The following MYO1E variants were observed in gnomAD, a reference collection of about 807,000 sequenced individuals.
The protein encoded by MYO1E is unconventional myosin-Ie.
A neutral mutation model predicts 151.1 loss-of-function variants in MYO1E; 68 were observed. The observed-to-expected ratio is 0.45, with a 90% CI of 0.37 to 0.55. The LOEUF (loss-of-function observed/expected upper bound fraction) is 0.55. Ranked by LOEUF, MYO1E falls within the 20% of genes least tolerant of loss-of-function variation. The pLI, the probability that MYO1E is intolerant of heterozygous loss-of-function variation, is 0.00. For missense variants in MYO1E, 1,363 were observed against 1,389.3 expected (o/e 0.98, Z 0.30); for synonymous variants, 601 against 501.7 (o/e 1.20, Z -2.64).
At chr15:59,267,793 G>T (rs1162380250) in intron 2 of MYO1E, among the ~76,000 whole-genome samples, 2 of 152,216 alleles carry the variant, frequency 1.3e-5, no homozygotes, top group Non-Finnish European at 2.9e-5. Flanking sequence ...TTTCCTCATA[G>T]ATCTTACAAT....
chr15:59,299,817 C>T (rs572090018), intron 1 of MYO1E, among the ~76,000 whole-genome samples: 14 of 152,202 alleles, frequency 9.2e-5, no homozygotes, highest in Admixed American at 2.0e-4. Context: ...CAAATTCTGA[C>T]GATAATTAGC....
chr15:59,142,858 T>C (rs2079418684), intron 26 of MYO1E, among the ~76,000 whole-genome samples: 1 of 143,932 alleles, frequency 6.9e-6, no homozygotes, highest in African/African-American at 2.6e-5. Context: ...AAAACAGGGA[T>C]GTCAGCACTC....
intron 1 of MYO1E, chr15:59,341,231 TTTAG>T (rs1245437571): frequency 6.6e-6 from 1 of 152,168 alleles, no homozygotes; most frequent in Non-Finnish European, 1.5e-5. Context: ...GTAATACTCT[TTTAG>T]TTATTTTTAA....
intron 14 of MYO1E, 51 bp from the exon 15 acceptor site, chr15:59,205,536 T>C (rs1008621784): frequency 1.4e-6 from 2 of 1,460,178 alleles, no homozygotes; most frequent in Admixed American, 1.7e-5. Context: ...ATGTAATTAA[T>C]TGAACAAAAT....
At chr15:59,201,815 A>C (rs2079803837) in intron 16 of MYO1E, among the ~76,000 whole-genome samples, 1 of 152,330 alleles carries the variant, frequency 6.6e-6, no homozygotes, top group South Asian at 2.1e-4. Flanking sequence ...TTTCCTTCAG[A>C]CTTTGAGACA....
Position 59,133,207 on chromosome 15 carries a change from C to G in MYO1E, c.*4173G>C, listed in dbSNP as rs2079354495. On this transcript the variant is annotated 3_prime_UTR_variant, in exon 28 of 28. Coordinates refer to ENST00000288235, the MANE Select transcript of MYO1E (RefSeq NM_004998.4). ...ACCAGCTGGGCAACACAGGGAGACC[C>G]CATCTGTACAAATAATTAGCCGAAT... The G allele has an allele frequency of 6.6e-6, 1 of 152,128 alleles. No individual in the cohort carries two copies. 9.4% of individuals were successfully genotyped at this position (152,128 alleles called of 1,614,324 possible). A position where few individuals can be genotyped will look rare whatever the true frequency, so the allele number is the denominator to read the frequency against.
chr15:59,224,943 C>G (rs2079980288), intron 7 of MYO1E, 120 bp from the exon 8 acceptor site: 2 of 1,343,144 alleles, frequency 1.5e-6, no homozygotes, highest in South Asian at 2.4e-5. Flanking sequence ...AAATTACAGG[C>G]AGTCCTGGCC....
intron 1 of MYO1E, among the ~76,000 whole-genome samples, chr15:59,281,325 G>C (rs1296865913): frequency 6.7e-6 from 1 of 150,204 alleles, no homozygotes; most frequent in African/African-American, 2.5e-5. Flanking sequence ...ACCTAGGCTG[G>C]AGTGTAATGG....
At chr15:59,187,657 T>C (rs938173360) in intron 18 of MYO1E, among the ~76,000 whole-genome samples, 8 of 152,226 alleles carry the variant, frequency 5.3e-5, no homozygotes, top group African/African-American at 1.7e-4. Flanking sequence ...TTATTCATAA[T>C]AGCCAAGAAG....
chr15:59,258,710 G>A (rs916321696), intron 3 of MYO1E, among the ~76,000 whole-genome samples: 2 of 152,100 alleles, frequency 1.3e-5, no homozygotes, highest in Admixed American at 6.6e-5. Flanking sequence ...AAAATTAGCT[G>A]GACATGGTGG....
rs1379361115 is a variant in MYO1E, at chr15:59,248,953, A to G, written c.332+7331T>C. On this transcript the variant is annotated intron_variant, in intron 4 of 27. Transcript: ENST00000288235. ...CCACAGGCAGAATTCTGCCTATGCAATAATGAATTGGGGTCTGATTCACAC... is the reference window on the plus strand; with the variant it reads ...CCACAGGCAGAATTCTGCCTATGCAGTAATGAATTGGGGTCTGATTCACAC... 5.3e-5 allele frequency among the ~76,000 whole-genome samples: 8 copies of G among 152,174 alleles called. No individual in the cohort carries two copies. The South Asian group carries it at 1.2e-3, about 24-fold the overall frequency.
chr15:59,239,983 A>C (rs1377748759), intron 4 of MYO1E, among the ~76,000 whole-genome samples: 2 of 152,248 alleles, frequency 1.3e-5, no homozygotes, highest in Non-Finnish European at 2.9e-5. Flanking sequence ...TAGACAAAAT[A>C]ATATATCCCA....
intron 1 of MYO1E, among the ~76,000 whole-genome samples, chr15:59,325,622 G>A (rs1375119957): frequency 6.6e-6 from 1 of 152,092 alleles, no homozygotes; most frequent in Non-Finnish European, 1.5e-5. Flanking sequence ...TTTTTTCCAT[G>A]AAGGAATACT....
chr15:59,303,573 T>C (rs1260564551), intron 1 of MYO1E, among the ~76,000 whole-genome samples: 3 of 151,858 alleles, frequency 2.0e-5, no homozygotes, highest in Non-Finnish European at 4.4e-5. Context: ...TTAAAAAAGA[T>C]AAATAAATAG....
intron 1 of MYO1E, among the ~76,000 whole-genome samples, chr15:59,309,321 T>C (rs2080535408): frequency 6.6e-6 from 1 of 152,128 alleles, no homozygotes; most frequent in South Asian, 2.1e-4. Flanking sequence ...ATAAGTTAAG[T>C]GTCTCCTCAC....
chr15:59,369,600 T>G (rs1347812418), intron 1 of MYO1E, among the ~76,000 whole-genome samples: 1 of 152,120 alleles, frequency 6.6e-6, no homozygotes, highest in Non-Finnish European at 1.5e-5. Context: ...TCCACTAAAT[T>G]ATAAAGATGT....
intron 24 of MYO1E, among the ~76,000 whole-genome samples, chr15:59,160,133 G>A (rs2079529273): frequency 6.6e-6 from 1 of 152,152 alleles, no homozygotes. Flanking sequence ...ACCGTGCCTG[G>A]CCTAGAAACA....
At chr15:59,270,411 G>T (rs1447014619) in intron 2 of MYO1E, among the ~76,000 whole-genome samples, 1 of 151,772 alleles carries the variant, frequency 6.6e-6, no homozygotes, top group Non-Finnish European at 1.5e-5. Context: ...AGGCATCGTG[G>T]TGTCTGCCTG....
chr15:59,207,917 T>C (rs3825937), intron 14 of MYO1E: 488,526 of 1,613,600 alleles, frequency 0.3, 79,532 homozygotes, highest in East Asian at 0.59. Flanking sequence ...TCCACCATAA[T>C]TAAGGGCCTC....
Sources: gnomAD v4.1 joint callset for allele counts (sites outside exome capture counted in the v4.1 genomes callset) on GRCh38, gnomAD v4.1.1 for gene constraint, MANE v1.5 for transcripts, NCBI Gene and HGNC (gene_info 2026-07-23, HGNC 2026-07-21) for gene names.